Variants in UBA6 observed in about 807,000 individuals in gnomAD.
The protein encoded by UBA6 is ubiquitin like modifier activating enzyme 6, also known as ubiquitin-like modifier-activating enzyme 6.
A neutral mutation model predicts 148.3 loss-of-function variants in UBA6; 87 were observed. The observed-to-expected ratio is 0.59, with a 90% confidence interval of 0.49 to 0.70. The LOEUF is 0.70. Among genes scored for constraint, UBA6 ranks in the 30% least tolerant of loss-of-function variants. The pLI is 0.00. For missense variants in UBA6, 1,186 were observed against 1,241.2 expected, an observed-to-expected ratio of 0.96 and a Z score of 0.67; for synonymous variants, 376 against 401.0, an observed-to-expected ratio of 0.94 and a Z score of 0.75.
rs1353547655 is a variant in UBA6 at position 67,623,356 on chromosome 4, G to A, written c.2841-134C>T. 126 of 619,020 alleles carry A rather than the reference G, an allele frequency of 2.0e-4. No individual in the cohort carries two copies. In the East Asian group the frequency reaches 3.5e-3, roughly 17 times the overall value. The allele number at this position is 619,020 out of a possible 1,614,324, so 38.3% of individuals were successfully genotyped here. A position where few individuals can be genotyped will look rare whatever the true frequency, so the allele number is the denominator to read the frequency against. On this transcript the variant is annotated intron_variant, in intron 30 of 32. Transcript: ENST00000322244. ...CTAGAAATTAATGTGGGGAAATAAA[G>A]GATAATATATCTTCTAAAATATTCC...
At position 67,638,935 on chromosome 4, in the gene UBA6, G is replaced by A. The variant is rs755943506; in HGVS notation, c.1736+8C>T. On this transcript the variant is annotated splice_region_variant and intron_variant, in intron 19 of 32. Transcript: ENST00000322244. ...AATTCTGTAGGAACATGAATTTCAAGAACATACCTGTCTACGTATCTCCTG... is the reference window on the plus strand; with the variant it reads ...AATTCTGTAGGAACATGAATTTCAAAAACATACCTGTCTACGTATCTCCTG... The A allele has an allele frequency of 1.9e-6, 3 of 1,583,772 alleles. No individual in the cohort carries two copies. Among genetic ancestry groups the A allele is most frequent in the African/African-American group, 1.4e-5 (1 of 73,798 alleles).
intron 1 of UBA6, among the ~76,000 whole-genome samples, chr4:67,700,238 T>C (rs750538377): frequency 2.0e-5 from 3 of 152,218 alleles, no homozygotes; most frequent in Non-Finnish European, 4.4e-5. Context: ...AAGCATCCCT[T>C]CAGTCTGAAA....
chr4:67,625,425 CACTAA>C (rs1188370711), intron 28 of UBA6, among the ~76,000 whole-genome samples: 6 of 149,996 alleles, frequency 4.0e-5, no homozygotes, highest in African/African-American at 7.3e-5. Context: ...GTTTTAATGC[CACTAA>C]ACTAGAGACG....
chr4:67,625,051 G>C lies in UBA6; in HGVS notation c.2655C>G (p.Arg885=). The change falls in exon 29 of 33, where the codon CGC becomes CGG. Residue 885 remains arginine (R), a synonymous_variant. Coordinates refer to ENST00000322244, the MANE Select transcript of UBA6 (RefSeq NM_018227.6). ...IEPADRFKTK[R]IAGKIIPAIA... ...TAGCAGGTATAATTTTACCAGCTAT[G>C]CGCTTTGTTTTGAAACGGTCAGCTG... The C allele has an allele frequency of 6.2e-7, 1 of 1,612,920 alleles. No individual in the cohort carries two copies. The highest frequency in any genetic ancestry group is 8.5e-7 in the Non-Finnish European group (1 of 1,179,180).
intron 23 of UBA6, among the ~76,000 whole-genome samples, chr4:67,632,699 C>T (rs943739586): frequency 4.6e-5 from 7 of 152,028 alleles, no homozygotes; most frequent in East Asian, 1.9e-4. Context: ...GAAGTATAAA[C>T]GAAATATTTT....
At chr4:67,699,490 A>T (rs1460123511) in intron 1 of UBA6, among the ~76,000 whole-genome samples, 1 of 152,252 alleles carries the variant, frequency 6.6e-6, no homozygotes, top group African/African-American at 2.4e-5. Flanking sequence ...TACCAAGGCA[A>T]ATCAGAAGAT....
intron 29 of UBA6, 67 bp downstream of exon 29, chr4:67,624,921 GTTGGTA>G: frequency 4.0e-6 from 5 of 1,246,596 alleles, no homozygotes; most frequent in Non-Finnish European, 5.6e-6. Context: ...GAGTGACTGG[GTTGGTA>G]TGACGGGGAA....
At chr4:67,657,826 C>CAAAAAAAAAAAA (rs57984969) in intron 13 of UBA6, among the ~76,000 whole-genome samples, 3 of 115,138 alleles carry the variant, frequency 2.6e-5, no homozygotes, top group Non-Finnish European at 5.2e-5. Context: ...AACAAATTTA[C>CAAAAAAAAAAAA]AAAAAAAAAA....
chr4:67,691,174 A>C (rs1237503063), intron 2 of UBA6, among the ~76,000 whole-genome samples: 1 of 152,118 alleles, frequency 6.6e-6, no homozygotes, highest in East Asian at 1.9e-4. Context: ...TGTAGCCTAG[A>C]AATACCCAAA....
At chr4:67,638,074 C>T (rs1240888781) in intron 19 of UBA6, 1 of 152,182 alleles carries the variant, frequency 6.6e-6, no homozygotes, top group African/African-American at 2.4e-5. Context: ...AAAAACAGAA[C>T]TTCCTGAGGC....
At chr4:67,686,922 C>G (rs1191901216) in intron 2 of UBA6, among the ~76,000 whole-genome samples, 2 of 112,632 alleles carry the variant, frequency 1.8e-5, no homozygotes, top group Non-Finnish European at 3.5e-5. Flanking sequence ...CCACTGCCCC[C>G]AAGCCTGGGC....
chr4:67,634,822 C>T (rs1006376746), intron 20 of UBA6, among the ~76,000 whole-genome samples: 1 of 151,990 alleles, frequency 6.6e-6, no homozygotes, highest in Non-Finnish European at 1.5e-5. Flanking sequence ...CCTCATGAAT[C>T]AAGGTGACAT....
intron 1 of UBA6, 140 bp from the exon 2 acceptor site, chr4:67,696,847 T>C (rs1730852324): frequency 1.6e-6 from 1 of 622,346 alleles, no homozygotes; most frequent in Non-Finnish European, 2.8e-6. Flanking sequence ...ACTTATATTT[T>C]TTAAATGGCC....
chr4:67,652,154 T>G (rs557397026), intron 13 of UBA6, among the ~76,000 whole-genome samples: 1 of 152,196 alleles, frequency 6.6e-6, no homozygotes, highest in Non-Finnish European at 1.5e-5. Flanking sequence ...TTTTTGTGAT[T>G]TGATAAATTG....
At chr4:67,676,642 A>T (rs1436490141) in intron 6 of UBA6, among the ~76,000 whole-genome samples, 1 of 152,186 alleles carries the variant, frequency 6.6e-6, no homozygotes, top group Non-Finnish European at 1.5e-5. Flanking sequence ...ATCAATTCCC[A>T]AGAACTTTGG....
Position 67,626,473 on chromosome 4 carries a change from A to T in UBA6, c.2405T>A (p.Val802Asp), listed in dbSNP as rs1435522256. 4.4e-6 allele frequency: 7 copies of T among 1,592,308 alleles called. No homozygotes were observed. Among genetic ancestry groups the T allele is most frequent in the Non-Finnish European group, 8.6e-7 (1 of 1,162,724 alleles). The change falls in exon 28 of 33, where the codon GTT becomes GAT. Residue 802 changes from valine (V) to aspartate (D), a missense_variant. Transcript: ENST00000322244. ...IQEFKPSNKVVQTDETARKPD... is the reference protein window; with the variant it reads ...IQEFKPSNKVDQTDETARKPD... ...TTTCCTTGCAGTTTCATCTGTTTGA[A>T]CAACCTTTGAATATATGAATATATT...
At chr4:67,621,540 C>T (rs538215540) in intron 32 of UBA6, among the ~76,000 whole-genome samples, 20 of 152,316 alleles carry the variant, frequency 1.3e-4, no homozygotes, top group African/African-American at 3.6e-4. Flanking sequence ...CAGTGGCTCA[C>T]GCCTGTAATC....
intron 8 of UBA6, among the ~76,000 whole-genome samples, chr4:67,670,079 G>A (rs1181645453): frequency 6.6e-6 from 1 of 152,034 alleles, no homozygotes; most frequent in Non-Finnish European, 1.5e-5. Context: ...CTCCTTAGTA[G>A]CTGGGACCAC....
intron 6 of UBA6, among the ~76,000 whole-genome samples, chr4:67,675,468 C>T (rs1730256712): frequency 6.6e-6 from 1 of 152,142 alleles, no homozygotes; most frequent in Non-Finnish European, 1.5e-5. Context: ...CGGTGGCTCA[C>T]ACCTATAATC....
Sources: allele counts gnomAD v4.1 joint callset (sites outside exome capture counted in the v4.1 genomes callset), GRCh38; gene constraint gnomAD v4.1.1; transcripts MANE v1.5; gene names NCBI Gene and HGNC (gene_info 2026-07-23, HGNC 2026-07-21).